The following RSPO2 variants were observed in gnomAD, a reference collection of about 807,000 sequenced individuals.
RSPO2 encodes the protein R-spondin-2.
In RSPO2, 14 loss-of-function variants were observed where a neutral mutation model predicts 30.9. The ratio of observed to expected loss-of-function variants is 0.45; its 90% CI spans 0.30 to 0.71. The LOEUF (loss-of-function observed/expected upper bound fraction) is 0.71, where lower values mean the gene tolerates loss of function less well. Among genes scored for constraint, RSPO2 ranks in the 30% least tolerant of loss-of-function variants. RSPO2 has a pLI of 0.08. For missense variants in RSPO2, 264 were observed against 301.9 expected (o/e 0.87, Z 0.93); for synonymous variants, 107 against 96.4 (o/e 1.11, Z -0.64).
At chr8:107,929,930 AT>A (rs1277419495) in intron 5 of RSPO2, among the ~76,000 whole-genome samples, 3 of 152,172 alleles carry the variant, frequency 2.0e-5, no homozygotes, top group Non-Finnish European at 2.9e-5. Context: ...TCTAGTATTC[AT>A]AGAAAAAAAT....
chr8:108,079,695 A>G (rs1167179843), intron 2 of RSPO2, among the ~76,000 whole-genome samples: 1 of 150,162 alleles, frequency 6.7e-6, no homozygotes, highest in Non-Finnish European at 1.5e-5. Context: ...CAGATGGAAT[A>G]TGGAAAAAAA....
chr8:107,966,079 T>TA (rs754610080), intron 3 of RSPO2, among the ~76,000 whole-genome samples: 9 of 152,132 alleles, frequency 5.9e-5, no homozygotes, highest in Non-Finnish European at 1.0e-4. Context: ...AAAAGGAGGT[T>TA]AGGCTATGGG....
chr8:107,963,404 G>C (rs1478366150), intron 3 of RSPO2, among the ~76,000 whole-genome samples: 1 of 151,124 alleles, frequency 6.6e-6, no homozygotes, highest in Non-Finnish European at 1.5e-5. Flanking sequence ...TGTGCCTGTT[G>C]GTCCCAGCTA....
At chr8:107,906,583 A>C (rs1811654750) in intron 5 of RSPO2, among the ~76,000 whole-genome samples, 1 of 151,900 alleles carries the variant, frequency 6.6e-6, no homozygotes, top group South Asian at 2.1e-4. Context: ...GATCTGAAAT[A>C]TAAAAGCTTA....
chr8:108,028,118 G>T (rs1488590362), intron 2 of RSPO2, among the ~76,000 whole-genome samples: 2 of 152,098 alleles, frequency 1.3e-5, no homozygotes, highest in African/African-American at 4.8e-5. Flanking sequence ...CCCAGGATGT[G>T]AGATCTTCAC....
chr8:107,906,426 T>C (rs1346228199), intron 5 of RSPO2, among the ~76,000 whole-genome samples: 3 of 133,720 alleles, frequency 2.2e-5, no homozygotes, highest in Non-Finnish European at 5.0e-5. Context: ...TAATAACAAT[T>C]AACTTTATAT....
chr8:107,935,076 C>A (rs1812672249), intron 5 of RSPO2, among the ~76,000 whole-genome samples: 1 of 152,154 alleles, frequency 6.6e-6, no homozygotes. Context: ...AACCATTGGA[C>A]CTGACTGCCT....
intron 2 of RSPO2, among the ~76,000 whole-genome samples, chr8:108,077,455 T>C (rs1343893387): frequency 6.6e-6 from 1 of 151,950 alleles, no homozygotes; most frequent in African/African-American, 2.4e-5. Context: ...AAAAACACTA[T>C]CCCTACCCAA....
chr8:107,903,220 A>G (rs1811533814), intron 5 of RSPO2, among the ~76,000 whole-genome samples: 1 of 152,156 alleles, frequency 6.6e-6, no homozygotes, highest in Non-Finnish European at 1.5e-5. Flanking sequence ...TTTAATTGAT[A>G]TAAAGCCTGG....
At chr8:108,028,150 G>A (rs183470234) in intron 2 of RSPO2, among the ~76,000 whole-genome samples, 1 of 152,194 alleles carries the variant, frequency 6.6e-6, no homozygotes, top group African/African-American at 2.4e-5. Context: ...AGAGTCTTAG[G>A]CAAATCAGGA....
chr8:108,018,612 T>C (rs1361001173), intron 2 of RSPO2, among the ~76,000 whole-genome samples: 2 of 152,212 alleles, frequency 1.3e-5, no homozygotes, highest in Non-Finnish European at 2.9e-5. Context: ...TCATATTCAG[T>C]AAGAATTAAA....
In RSPO2 at chr8:107,987,918, A is replaced by G. The variant is rs1200887146; in HGVS notation, c.283+1138T>C. ...TATGAGATTTAATTATCTCATATAT[A>G]TATGAGTGATTTAATGATTACTGAC... is the stretch of plus-strand genomic sequence containing the variant. On this transcript the variant is annotated intron_variant, in intron 3 of 5. Transcript: ENST00000276659. Among the ~76,000 whole-genome samples the G allele has an allele frequency of 2.6e-5, 4 of 152,170 alleles. No individual in the cohort carries two copies. In the East Asian group the frequency reaches 7.7e-4, roughly 29 times the overall value.
intron 3 of RSPO2, among the ~76,000 whole-genome samples, chr8:107,967,875 T>C (rs1813861434): frequency 6.6e-6 from 1 of 152,158 alleles, no homozygotes; most frequent in Non-Finnish European, 1.5e-5. Context: ...ATTGTGTGAC[T>C]GTGGTCAAGT....
chr8:107,984,913 T>C (rs1814573569), intron 3 of RSPO2, among the ~76,000 whole-genome samples: 1 of 152,154 alleles, frequency 6.6e-6, no homozygotes, highest in Non-Finnish European at 1.5e-5. Context: ...CAGTGGGAGT[T>C]AAATGTATCT....
intron 2 of RSPO2, among the ~76,000 whole-genome samples, chr8:108,066,048 GAA>G (rs556018487): frequency 6.6e-6 from 1 of 151,488 alleles, no homozygotes; most frequent in Non-Finnish European, 1.5e-5. Context: ...TCAAAAAAAA[GAA>G]AAAAAGAAAA....
chr8:107,945,915 C>T (rs2130390156), intron 5 of RSPO2, among the ~76,000 whole-genome samples: 1 of 152,326 alleles, frequency 6.6e-6, no homozygotes, highest in South Asian at 2.1e-4. Flanking sequence ...ACCTAGATTA[C>T]ACTGTCGATG....
intron 2 of RSPO2, among the ~76,000 whole-genome samples, chr8:108,023,342 T>C (rs73321421): frequency 0.047 from 7,225 of 152,158 alleles, 607 homozygotes; most frequent in African/African-American, 0.17. Context: ...CCAGAACCCA[T>C]TCAAATACAG....
intron 3 of RSPO2, among the ~76,000 whole-genome samples, chr8:107,968,090 G>A (rs759261149): frequency 6.6e-6 from 1 of 152,078 alleles, no homozygotes; most frequent in Non-Finnish European, 1.5e-5. Context: ...TCCCACTGCT[G>A]AGTATATATC....
intron 5 of RSPO2, among the ~76,000 whole-genome samples, chr8:107,942,707 C>T (rs79435584): frequency 0.014 from 2,112 of 152,034 alleles, 39 homozygotes; most frequent in African/African-American, 0.047. Flanking sequence ...TCTAGTTGTT[C>T]ATGGGTAAAA....
Sources: gnomAD v4.1 joint callset for allele counts (sites outside exome capture counted in the v4.1 genomes callset) on GRCh38, gnomAD v4.1.1 for gene constraint, MANE v1.5 for transcripts, NCBI Gene and HGNC (gene_info 2026-07-23, HGNC 2026-07-21) for gene names.